The following BICC1 variants were observed in gnomAD, a reference collection of about 807,000 sequenced individuals.
BICC1 encodes BicC family RNA binding protein 1, also known as protein bicaudal C homolog 1.
In BICC1, 43 loss-of-function variants were observed where a neutral mutation model predicts 111.0. That is an observed-to-expected ratio of 0.39 (90% confidence interval 0.30 to 0.50). The LOEUF (loss-of-function observed/expected upper bound fraction) is 0.50. Among genes scored for constraint, BICC1 ranks in the 20% least tolerant of loss-of-function variants. The pLI, the probability that BICC1 is intolerant of heterozygous loss-of-function variation, is 0.88. For synonymous variants in BICC1, 467 were observed against 434.4 expected, an observed-to-expected ratio of 1.07 and a Z score of -0.93; for missense variants, 1,091 against 1,203.2, an observed-to-expected ratio of 0.91 and a Z score of 1.38.
rs575291253 is a variant in BICC1, at chr10:58,779,125, CA to C, written c.308-5875del. On this transcript the variant is annotated intron_variant, in intron 3 of 20. Coordinates refer to ENST00000373886, the MANE Select transcript of BICC1 (RefSeq NM_001080512.3). The stretch of plus-strand genomic sequence containing the variant: ...AAAGAAAGTCAATTTCTTAAGAAGC[CA>C]GGGGGAAACATGTTTCACCATAAAA... Among the ~76,000 whole-genome samples the C allele has an allele frequency of 2.5e-3, 373 of 152,226 alleles. 2 individuals carry two copies. The highest frequency in any genetic ancestry group is 2.0e-3 in the Non-Finnish European group (139 of 68,006).
intron 1 of BICC1, among the ~76,000 whole-genome samples, chr10:58,517,030 A>G (rs1371173471): frequency 1.3e-5 from 2 of 152,190 alleles, no homozygotes; most frequent in Non-Finnish European, 1.5e-5. Context: ...GTAAAAACAT[A>G]TATGTGTACT....
chr10:58,525,521 G>A (rs1156718394), intron 1 of BICC1, among the ~76,000 whole-genome samples: 5 of 133,976 alleles, frequency 3.7e-5, no homozygotes, highest in Admixed American at 1.7e-4. Flanking sequence ...ATGAGAACAC[G>A]TGGACACAGG....
At chr10:58,702,045 G>A (rs1348191444) in intron 2 of BICC1, 29 bp from the exon 3 acceptor site, 3 of 1,563,954 alleles carry the variant, frequency 1.9e-6, no homozygotes, top group Admixed American at 1.7e-5. Flanking sequence ...TTTTAATTGA[G>A]TCAATATTTC....
chr10:58,645,214 C>G (rs1195032808), intron 2 of BICC1, among the ~76,000 whole-genome samples: 2 of 151,872 alleles, frequency 1.3e-5, no homozygotes, highest in African/African-American at 2.4e-5. Flanking sequence ...TCGAGACCAT[C>G]CTGACTAACT....
intron 18 of BICC1, among the ~76,000 whole-genome samples, chr10:58,815,968 G>C (rs1589167745): frequency 6.6e-6 from 1 of 152,152 alleles, no homozygotes; most frequent in African/African-American, 2.4e-5. Context: ...CAATAGCCAT[G>C]TGTGGCCAAT....
chr10:58,639,570 T>A (rs77751184), intron 2 of BICC1, among the ~76,000 whole-genome samples: 1 of 130 alleles, frequency 7.7e-3, no homozygotes, highest in Admixed American at 0.083. Context: ...GCTAATTGTT[T>A]TTTTTTTTTT....
intron 8 of BICC1, 29 bp from the exon 9 acceptor site, chr10:58,793,455 C>G: frequency 6.3e-7 from 1 of 1,595,138 alleles, no homozygotes. Context: ...ATTTTTACCT[C>G]CTACACATTC....
At chr10:58,727,652 G>T (rs2132544665) in intron 3 of BICC1, among the ~76,000 whole-genome samples, 1 of 152,176 alleles carries the variant, frequency 6.6e-6, no homozygotes. Flanking sequence ...AAGGATTTCT[G>T]GCAAAGTTGT....
At chr10:58,704,197 C>G (rs1840323572) in intron 3 of BICC1, among the ~76,000 whole-genome samples, 1 of 152,146 alleles carries the variant, frequency 6.6e-6, no homozygotes, top group Non-Finnish European at 1.5e-5. Flanking sequence ...TTAAAATTAA[C>G]CTTTGGAACT....
chr10:58,733,094 G>A (rs950330948), intron 3 of BICC1, among the ~76,000 whole-genome samples: 1 of 151,978 alleles, frequency 6.6e-6, no homozygotes, highest in African/African-American at 2.4e-5. Flanking sequence ...ATAAAATGAG[G>A]TATGCTTGTA....
chr10:58,687,606 G>C (rs926254022), intron 2 of BICC1, among the ~76,000 whole-genome samples: 3 of 152,206 alleles, frequency 2.0e-5, no homozygotes, highest in Non-Finnish European at 2.9e-5. Flanking sequence ...CCACCTTGCA[G>C]TTCGAGCTCA....
At position 58,544,813 on chromosome 10, in the gene BICC1, G is replaced by A. The variant is rs114435809; in HGVS notation, c.190+31480G>A. 2.2e-3 allele frequency among the ~76,000 whole-genome samples: 339 copies of A among 152,176 alleles called. 3 individuals carry two copies. Among genetic ancestry groups the A allele is most frequent in the African/African-American group, 7.5e-3 (311 of 41,522 alleles). The stretch of plus-strand genomic sequence containing the variant: ...CAGATGTTGACATTTTCACCTCTGG[G>A]AGCTCATTTGGAGATAGGGCTTTTG... On this transcript the variant is annotated intron_variant, in intron 1 of 20. Transcript: ENST00000373886.
chr10:58,641,039 T>C (rs1838106635), intron 2 of BICC1, among the ~76,000 whole-genome samples: 1 of 152,248 alleles, frequency 6.6e-6, no homozygotes, highest in Non-Finnish European at 1.5e-5. Flanking sequence ...TTCTTTCAAT[T>C]GTCTTTATTG....
intron 2 of BICC1, among the ~76,000 whole-genome samples, chr10:58,658,147 G>A (rs185499642): frequency 8.0e-4 from 122 of 152,258 alleles, no homozygotes; most frequent in African/African-American, 2.9e-3. Flanking sequence ...GCCAATTTCT[G>A]TTCATCAAGT....
chr10:58,626,488 T>C (rs1837626935), intron 2 of BICC1, among the ~76,000 whole-genome samples: 1 of 152,202 alleles, frequency 6.6e-6, no homozygotes, highest in South Asian at 2.1e-4. Context: ...TTTTATACCT[T>C]ATGATTTACT....
In BICC1 at chr10:58,822,049, G is replaced by A. The variant is rs1329971348; in HGVS notation, c.2794+1581G>A. Among the ~76,000 whole-genome samples the A allele has an allele frequency of 2.6e-5, 4 of 151,924 alleles. No homozygotes were observed. The East Asian group carries it at 7.7e-4, about 29-fold the overall frequency. On this transcript the variant is annotated intron_variant, in intron 20 of 20. Coordinates refer to ENST00000373886, the MANE Select transcript of BICC1 (RefSeq NM_001080512.3). ...TTTTCTGTAAAGCTCATCCTCAGGG[G>A]GCTATCCCTAGACTCAAGCTAACTT...
At chr10:58,682,457 T>C (rs1839560127) in intron 2 of BICC1, among the ~76,000 whole-genome samples, 1 of 152,212 alleles carries the variant, frequency 6.6e-6, no homozygotes, top group Non-Finnish European at 1.5e-5. Flanking sequence ...TCTTCCACAG[T>C]GGTTGAACTA....
chr10:58,791,513 G>A (rs535649764), intron 8 of BICC1, among the ~76,000 whole-genome samples: 4 of 152,118 alleles, frequency 2.6e-5, no homozygotes, highest in Non-Finnish European at 4.4e-5. Context: ...CGAGGCAGGC[G>A]TATCACAAGG....
At chr10:58,585,096 G>C (rs1844393476) in intron 1 of BICC1, among the ~76,000 whole-genome samples, 1 of 152,144 alleles carries the variant, frequency 6.6e-6, no homozygotes, top group Non-Finnish European at 1.5e-5. Flanking sequence ...GAATTCAGTT[G>C]ACTTAATGCT....
Sources: allele counts gnomAD v4.1 joint callset (sites outside exome capture counted in the v4.1 genomes callset), GRCh38; gene constraint gnomAD v4.1.1; transcripts MANE v1.5; gene names NCBI Gene and HGNC (gene_info 2026-07-23, HGNC 2026-07-21).